TRPM3: variants seen among roughly 807,000 people sequenced by gnomAD.
The protein encoded by TRPM3 is transient receptor potential cation channel subfamily M member 3, also known as long transient receptor potential channel 3.
In TRPM3, 77 loss-of-function variants were observed where a neutral mutation model predicts 181.2. The ratio of observed to expected loss-of-function variants is 0.42; its 90% CI spans 0.35 to 0.51. The LOEUF is 0.51. Ranked by LOEUF, TRPM3 falls within the 20% of genes least tolerant of loss-of-function variation. TRPM3 has a pLI of 0.01. For missense variants in TRPM3, 1,759 were observed against 2,196.7 expected, an observed-to-expected ratio of 0.80 and a Z score of 3.98; for synonymous variants, 745 against 796.4, an observed-to-expected ratio of 0.94 and a Z score of 1.09.
intron 1 of TRPM3, among the ~76,000 whole-genome samples, chr9:71,254,939 A>T (rs1435218767): frequency 6.6e-6 from 1 of 152,218 alleles, no homozygotes; most frequent in Non-Finnish European, 1.5e-5. Flanking sequence ...AATTATCAAA[A>T]GAAATCCCCT....
intron 1 of TRPM3, among the ~76,000 whole-genome samples, chr9:70,940,708 AT>A (rs2096877768): frequency 6.6e-6 from 1 of 152,232 alleles, no homozygotes; most frequent in African/African-American, 2.4e-5. Flanking sequence ...AGGAGATGGC[AT>A]TGGAACTAAC....
At chr9:71,222,742 C>T (rs1285233431) in intron 1 of TRPM3, among the ~76,000 whole-genome samples, 1 of 152,184 alleles carries the variant, frequency 6.6e-6, no homozygotes, top group Non-Finnish European at 1.5e-5. Flanking sequence ...GAAAGAGAAT[C>T]TGTGTGCTTG....
chr9:70,631,800 A>G (rs1214062101), intron 12 of TRPM3, among the ~76,000 whole-genome samples: 1 of 152,238 alleles, frequency 6.6e-6, no homozygotes, highest in Admixed American at 6.5e-5. Context: ...TGAGATTTCA[A>G]AACAAGCTTG....
At chr9:70,958,738 C>G (rs2133793942) in intron 1 of TRPM3, among the ~76,000 whole-genome samples, 1 of 151,784 alleles carries the variant, frequency 6.6e-6, no homozygotes, top group East Asian at 1.9e-4. Context: ...TTCACAATAG[C>G]AAAGACTTGG....
chr9:71,076,652 A>G (rs983853138), intron 1 of TRPM3, among the ~76,000 whole-genome samples: 17 of 152,170 alleles, frequency 1.1e-4, no homozygotes, highest in Admixed American at 1.0e-3. Context: ...GAGTTGGGAG[A>G]GGAGAAAAGC....
chr9:71,075,995 A>G (rs889227572), intron 1 of TRPM3, among the ~76,000 whole-genome samples: 1 of 152,162 alleles, frequency 6.6e-6, no homozygotes, highest in African/African-American at 2.4e-5. Context: ...TTGTTGTTGT[A>G]GTTTTATGGT....
At chr9:71,052,722 AC>A (rs2060196737) in intron 1 of TRPM3, among the ~76,000 whole-genome samples, 1 of 152,018 alleles carries the variant, frequency 6.6e-6, no homozygotes, top group African/African-American at 2.4e-5. Context: ...AAACCAGATA[AC>A]CATTCAAAAA....
chr9:70,775,492 A>C (rs932443325), intron 7 of TRPM3: 1 of 152,218 alleles, frequency 6.6e-6, no homozygotes, highest in South Asian at 2.1e-4. Context: ...GCCAGGATAC[A>C]GTGGATCTTG....
At chr9:70,695,959 G>C (rs942623816) in intron 8 of TRPM3, among the ~76,000 whole-genome samples, 3 of 152,132 alleles carry the variant, frequency 2.0e-5, no homozygotes, top group Admixed American at 2.0e-4. Flanking sequence ...TTCTTGGAGG[G>C]CAAGGGAAAG....
At chr9:70,560,445 T>C (rs537333510) in intron 22 of TRPM3, among the ~76,000 whole-genome samples, 1 of 152,362 alleles carries the variant, frequency 6.6e-6, no homozygotes, top group African/African-American at 2.4e-5. Context: ...GAAGGCCCTG[T>C]GCTATGAGCT....
At chr9:71,008,515 A>G (rs1389737170) in intron 1 of TRPM3, among the ~76,000 whole-genome samples, 1 of 152,162 alleles carries the variant, frequency 6.6e-6, no homozygotes, top group Admixed American at 6.5e-5. Context: ...ATCTTCAACA[A>G]AATACTAGCA....
At chr9:70,600,645 A>G (rs2059743605) in intron 20 of TRPM3, among the ~76,000 whole-genome samples, 1 of 152,118 alleles carries the variant, frequency 6.6e-6, no homozygotes, top group African/African-American at 2.4e-5. Context: ...ATGTGTAACA[A>G]GTTCCCAGCT....
At chr9:71,213,969 G>C (rs1452634776) in intron 1 of TRPM3, among the ~76,000 whole-genome samples, 1 of 152,092 alleles carries the variant, frequency 6.6e-6, no homozygotes, top group East Asian at 1.9e-4. Context: ...ATCTTACATT[G>C]TGATAATTTT....
rs114640835 is a variant in TRPM3, at chr9:70,902,915, G to A, written c.178-38404C>T. Among the ~76,000 whole-genome samples the A allele has an allele frequency of 4.6e-3, 705 of 152,240 alleles. 6 individuals carry two copies. Among genetic ancestry groups the A allele is most frequent in the African/African-American group, 0.016 (673 of 41,534 alleles). ...AAATAGCAGAGCAGATGTAACCCTC[G>A]GCCTGCCTCCAGTTCACAGTCTGGT... is the stretch of plus-strand genomic sequence containing the variant. On this transcript the variant is annotated intron_variant, in intron 1 of 25. Coordinates refer to ENST00000677713, the MANE Select transcript of TRPM3 (RefSeq NM_001366145.2).
chr9:70,968,758 G>A (rs918501540), intron 1 of TRPM3, among the ~76,000 whole-genome samples: 2 of 152,096 alleles, frequency 1.3e-5, no homozygotes, highest in African/African-American at 4.8e-5. Flanking sequence ...ATATAAGGTA[G>A]ATAGTATTCT....
intron 7 of TRPM3, among the ~76,000 whole-genome samples, chr9:70,769,129 A>C (rs1167929647): frequency 6.6e-6 from 1 of 152,008 alleles, no homozygotes; most frequent in East Asian, 1.9e-4. Context: ...TCCTTCTTAA[A>C]CCCCTGCAAT....
intron 1 of TRPM3, among the ~76,000 whole-genome samples, chr9:71,166,351 T>C (rs992202411): frequency 6.6e-6 from 1 of 152,132 alleles, no homozygotes; most frequent in Admixed American, 6.6e-5. Context: ...CCCAGTTATC[T>C]AGCAGGCTCT....
upstream of TRPM3, among the ~76,000 whole-genome samples, chr9:71,122,752 G>A (rs2073782818): frequency 6.6e-6 from 1 of 152,164 alleles, no homozygotes; most frequent in Non-Finnish European, 1.5e-5. Context: ...ATGGTCTTGT[G>A]TCAAAAATTT....
intron 1 of TRPM3, among the ~76,000 whole-genome samples, chr9:70,951,306 C>A (rs952307887): frequency 9.9e-5 from 15 of 152,134 alleles, no homozygotes; most frequent in African/African-American, 3.4e-4. Context: ...CCTCATTCAA[C>A]ATACACTGTA....
Sources: allele counts gnomAD v4.1 joint callset (sites outside exome capture counted in the v4.1 genomes callset), GRCh38; gene constraint gnomAD v4.1.1; transcripts MANE v1.5; gene names NCBI Gene and HGNC (gene_info 2026-07-23, HGNC 2026-07-21).